The following AUH variants were observed in gnomAD, a reference collection of about 807,000 sequenced individuals.
AUH encodes AU RNA binding methylglutaconyl-CoA hydratase.
AUH carries 29 observed loss-of-function variants against 42.3 expected under a neutral mutation model. The ratio of observed to expected loss-of-function variants is 0.69; its 90% confidence interval spans 0.51 to 0.93. The LOEUF (loss-of-function observed/expected upper bound fraction) is 0.93. Ranked by LOEUF, AUH falls within the 40% of genes least tolerant of loss-of-function variation. The probability of loss-of-function intolerance (pLI) is 0.00; values close to 1 mark genes in which losing one functional copy is unlikely to be tolerated. For missense variants in AUH, 452 were observed against 438.1 expected, an observed-to-expected ratio of 1.03 and a Z score of -0.28; for synonymous variants, 174 against 166.4, an observed-to-expected ratio of 1.05 and a Z score of -0.35.
rs1387470109 is a variant in AUH, at chr9:91,228,856, G to C, written c.656-7864C>G. On this transcript the variant is annotated intron_variant, in intron 6 of 9. Coordinates refer to ENST00000375731, the MANE Select transcript of AUH (RefSeq NM_001698.3). ...CAGGTTGTTCAGTTTCCATGTAGTT[G>C]AGCAGTTTTGAGTGAGATTCTTAAT... Among the ~76,000 whole-genome samples, 4 of 152,216 alleles carry C rather than the reference G, an allele frequency of 2.6e-5. No individual in the cohort carries two copies. In the East Asian group the frequency reaches 7.7e-4, roughly 29 times the overall value.
chr9:91,295,981 C>G (rs372190904), intron 6 of AUH, 40 bp downstream of exon 6: 2 of 1,609,820 alleles, frequency 1.2e-6, no homozygotes, highest in East Asian at 2.2e-5. Flanking sequence ...TTTCTAGGAC[C>G]AAATCAAGGA....
chr9:91,242,044 C>T (rs1828548402), intron 6 of AUH, among the ~76,000 whole-genome samples: 1 of 152,236 alleles, frequency 6.6e-6, no homozygotes, highest in Admixed American at 6.5e-5. Context: ...GGCTGGCTCT[C>T]CTGCTTCCAG....
At chr9:91,268,569 T>C (rs1824845841) in intron 6 of AUH, among the ~76,000 whole-genome samples, 1 of 152,112 alleles carries the variant, frequency 6.6e-6, no homozygotes, top group Non-Finnish European at 1.5e-5. Context: ...TAGCTGGGAC[T>C]ACAGGCGCAC....
intron 4 of AUH, among the ~76,000 whole-genome samples, chr9:91,324,497 T>C (rs1829820854): frequency 6.9e-6 from 1 of 145,514 alleles, no homozygotes; most frequent in Admixed American, 7.0e-5. Context: ...AGTGAGACCC[T>C]GTCTCTAGAA....
chr9:91,279,826 G>A (rs1443651075), intron 6 of AUH, among the ~76,000 whole-genome samples: 1 of 152,168 alleles, frequency 6.6e-6, no homozygotes, highest in Non-Finnish European at 1.5e-5. Flanking sequence ...CATGCCATGA[G>A]CTACTTATTC....
chr9:91,231,443 C>T (rs1321648034), intron 6 of AUH, among the ~76,000 whole-genome samples: 2 of 152,198 alleles, frequency 1.3e-5, no homozygotes, highest in Admixed American at 1.3e-4. Context: ...CACTGACCTG[C>T]GCCCACTGTC....
chr9:91,293,402 C>T (rs1349176247), intron 6 of AUH, among the ~76,000 whole-genome samples: 1 of 152,230 alleles, frequency 6.6e-6, no homozygotes, highest in Non-Finnish European at 1.5e-5. Flanking sequence ...CTCCAGTGAA[C>T]ACAGGAATAA....
At chr9:91,288,492 C>T (rs1392166602) in intron 6 of AUH, among the ~76,000 whole-genome samples, 11 of 151,986 alleles carry the variant, frequency 7.2e-5, no homozygotes, top group Admixed American at 6.6e-4. Context: ...AATAAAATTA[C>T]GACAAGGTTC....
intron 3 of AUH, among the ~76,000 whole-genome samples, chr9:91,345,831 G>GAAA (rs1587907908): frequency 2.1e-5 from 1 of 47,908 alleles, no homozygotes; most frequent in African/African-American, 4.9e-5. Context: ...AGACTCCATC[G>GAAA]CAAAAAAAAA....
At chr9:91,350,951 A>G (rs981356544) in intron 3 of AUH, among the ~76,000 whole-genome samples, 1 of 152,104 alleles carries the variant, frequency 6.6e-6, no homozygotes. Context: ...GACAGAAAAA[A>G]TATCACCTTT....
chr9:91,276,348 C>T (rs946893820), intron 6 of AUH, among the ~76,000 whole-genome samples: 5 of 151,084 alleles, frequency 3.3e-5, no homozygotes, highest in African/African-American at 1.2e-4. Flanking sequence ...CAAGAATCCA[C>T]TGAACCCCAG....
chr9:91,240,161 T>G (rs747518043), intron 6 of AUH, among the ~76,000 whole-genome samples: 8 of 152,228 alleles, frequency 5.3e-5, no homozygotes, highest in Non-Finnish European at 1.2e-4. Flanking sequence ...TTAAAAAAAA[T>G]TTTGAAGATG....
intron 6 of AUH, among the ~76,000 whole-genome samples, chr9:91,246,230 AAAG>A (rs760687305): frequency 7.9e-5 from 12 of 152,344 alleles, no homozygotes; most frequent in East Asian, 7.7e-4. Context: ...TCGCTGTGTA[AAAG>A]AAGAAGAATA....
intron 6 of AUH, among the ~76,000 whole-genome samples, chr9:91,270,647 G>T (rs1388157530): frequency 6.6e-6 from 1 of 151,926 alleles, no homozygotes; most frequent in Non-Finnish European, 1.5e-5. Context: ...GCTGCACCTA[G>T]AATCTTTGTT....
chr9:91,325,432 A>T, intron 3 of AUH, 28 bp from the exon 4 acceptor site: 1 of 1,595,594 alleles, frequency 6.3e-7, no homozygotes, highest in Non-Finnish European at 8.6e-7. Context: ...TACAAATATA[A>T]TCTAGTTGTA....
At chr9:91,273,997 A>G (rs888097738) in intron 6 of AUH, among the ~76,000 whole-genome samples, 1 of 152,216 alleles carries the variant, frequency 6.6e-6, no homozygotes, top group African/African-American at 2.4e-5. Flanking sequence ...CTAAGGATTA[A>G]AAATAACGGG....
At chr9:91,248,881 T>C (rs1354003313) in intron 6 of AUH, among the ~76,000 whole-genome samples, 1 of 152,214 alleles carries the variant, frequency 6.6e-6, no homozygotes, top group African/African-American at 2.4e-5. Context: ...ACTGTTATTA[T>C]TAGCAGGCTA....
chr9:91,355,035 C>A (rs1832301505), intron 3 of AUH, among the ~76,000 whole-genome samples: 1 of 152,130 alleles, frequency 6.6e-6, no homozygotes, highest in Admixed American at 6.5e-5. Flanking sequence ...CTGCATAACA[C>A]CATAACCCTA....
intron 6 of AUH, among the ~76,000 whole-genome samples, chr9:91,277,482 T>TA (rs1240252848): frequency 6.6e-6 from 1 of 152,072 alleles, no homozygotes; most frequent in African/African-American, 2.4e-5. Context: ...AAGTTTTTTG[T>TA]AAGAGTTGTA....
Sources: gnomAD v4.1 joint callset for allele counts (sites outside exome capture counted in the v4.1 genomes callset) on GRCh38, gnomAD v4.1.1 for gene constraint, MANE v1.5 for transcripts, NCBI Gene and HGNC (gene_info 2026-07-23, HGNC 2026-07-21) for gene names.